The following EHBP1 variants were observed in gnomAD, a reference collection of about 807,000 sequenced individuals.
EHBP1 encodes EH domain-binding protein 1.
EHBP1 carries 55 observed loss-of-function variants against 144.0 expected under a neutral mutation model. The ratio of observed to expected loss-of-function variants is 0.38; its 90% CI spans 0.31 to 0.48. The LOEUF is 0.48. Among genes scored for constraint, EHBP1 ranks in the 20% least tolerant of loss-of-function variants. The pLI is 0.98. For missense variants in EHBP1, 1,200 were observed against 1,364.2 expected, an observed-to-expected ratio of 0.88 and a Z score of 1.90; for synonymous variants, 469 against 472.7, an observed-to-expected ratio of 0.99 and a Z score of 0.10.
intron 19 of EHBP1, among the ~76,000 whole-genome samples, chr2:63,015,106 G>C: frequency 6.6e-6 from 1 of 152,280 alleles, no homozygotes; most frequent in African/African-American, 2.4e-5. Context: ...AATTTTGCCA[G>C]TGTTTCTCAC....
At chr2:62,928,389 C>T (rs1397457435) in intron 10 of EHBP1, among the ~76,000 whole-genome samples, 1 of 152,106 alleles carries the variant, frequency 6.6e-6, no homozygotes, top group Non-Finnish European at 1.5e-5. Flanking sequence ...TAAGTACTCA[C>T]CCTCCAAGTC....
intron 7 of EHBP1, among the ~76,000 whole-genome samples, chr2:62,840,915 T>C (rs1347530086): frequency 6.6e-6 from 1 of 152,228 alleles, no homozygotes; most frequent in East Asian, 1.9e-4. Context: ...GTTCAACCAT[T>C]GTGGAAGTCA....
chr2:63,045,800 C>A lies in EHBP1; in HGVS notation c.*300C>A, dbSNP rs186905235. 1.8e-5 allele frequency: 4 copies of A among 217,626 alleles called. No individual in the cohort carries two copies. The South Asian group carries it at 3.8e-4, about 21-fold the overall frequency. The allele number at this position is 217,626 out of a possible 1,614,324, so 13.5% of individuals were successfully genotyped here. On this transcript the variant is annotated 3_prime_UTR_variant, in exon 23 of 23. Coordinates refer to ENST00000431489, the MANE Select transcript of EHBP1 (RefSeq NM_001142616.3). This position sits in a 1 kb window ranked among gnomAD's most constrained non-coding sequence, Gnocchi z 5.7. ...TATTGGAGGTGTTCAAGAAACTGTT[C>A]GAAAAAGAACAAAAACACTTCCCTC...
chr2:62,913,033 G>A (rs2054345541), intron 10 of EHBP1, among the ~76,000 whole-genome samples: 1 of 152,100 alleles, frequency 6.6e-6, no homozygotes, highest in Non-Finnish European at 1.5e-5. Context: ...GCTGGATGCT[G>A]TCCTACTTCA....
At chr2:62,715,163 G>A (rs1353410024) in intron 2 of EHBP1, among the ~76,000 whole-genome samples, 1 of 152,014 alleles carries the variant, frequency 6.6e-6, no homozygotes, top group Non-Finnish European at 1.5e-5. Context: ...CACCCAGGCT[G>A]GAGTGCAGTG....
intron 13 of EHBP1, among the ~76,000 whole-genome samples, chr2:62,950,219 G>A (rs1053833725): frequency 1.3e-5 from 2 of 151,762 alleles, no homozygotes; most frequent in African/African-American, 4.8e-5. Flanking sequence ...GGGGGCCTCT[G>A]AAGTTCTCCA....
intron 2 of EHBP1, among the ~76,000 whole-genome samples, chr2:62,742,644 A>G (rs890622761): frequency 2.0e-5 from 3 of 152,062 alleles, no homozygotes; most frequent in Non-Finnish European, 4.4e-5. Flanking sequence ...GGAGCTACCA[A>G]AAAAGGAGGG....
chr2:62,996,784 A>G lies in EHBP1; in HGVS notation c.3103+18A>G, dbSNP rs543818039. ...GGACACAGGTACGGTGCCCAATTAC[A>G]CTGTAAACAGTTTTGGCAAATTGAG... On this transcript the variant is annotated intron_variant, in intron 19 of 22. Coordinates refer to ENST00000431489, the MANE Select transcript of EHBP1 (RefSeq NM_001142616.3). 3 of 1,608,152 alleles carry G rather than the reference A, an allele frequency of 1.9e-6. No individual in the cohort carries two copies. The highest frequency in any genetic ancestry group is 1.1e-5 in the South Asian group (1 of 90,000).
intron 10 of EHBP1, among the ~76,000 whole-genome samples, chr2:62,905,543 G>A (rs553978658): frequency 4.6e-5 from 7 of 152,256 alleles, no homozygotes; most frequent in South Asian, 2.1e-4. Flanking sequence ...GATCACTCTC[G>A]GTTGGGCGCA....
At chr2:62,842,329 C>T (rs190569442) in intron 7 of EHBP1, among the ~76,000 whole-genome samples, 46 of 152,212 alleles carry the variant, frequency 3.0e-4, no homozygotes, top group Non-Finnish European at 5.6e-4. Flanking sequence ...TCAGGAGATC[C>T]GCCCGCTTTC....
At chr2:62,760,271 T>A (rs2040661676) in intron 3 of EHBP1, among the ~76,000 whole-genome samples, 1 of 152,190 alleles carries the variant, frequency 6.6e-6, no homozygotes, top group Non-Finnish European at 1.5e-5. Flanking sequence ...TTGTCAGCTA[T>A]TTAGCTAGAC....
intron 10 of EHBP1, among the ~76,000 whole-genome samples, chr2:62,937,404 G>C (rs1249931779): frequency 6.6e-6 from 1 of 152,112 alleles, no homozygotes; most frequent in Non-Finnish European, 1.5e-5. Flanking sequence ...CTGTGTAAAG[G>C]TCTTAACTTT....
intron 10 of EHBP1, among the ~76,000 whole-genome samples, chr2:62,922,513 G>T (rs186495149): frequency 6.6e-6 from 1 of 152,158 alleles, no homozygotes; most frequent in African/African-American, 2.4e-5. Flanking sequence ...AATAATCCAC[G>T]TAAATAGTAA....
chr2:62,760,607 C>T (rs2040691610), intron 3 of EHBP1, among the ~76,000 whole-genome samples: 1 of 152,204 alleles, frequency 6.6e-6, no homozygotes, highest in South Asian at 2.1e-4. Context: ...CATCTCCTAA[C>T]TCTGCCCAGT....
In EHBP1 at chr2:63,032,278, G is replaced by A. The variant is rs542624314; in HGVS notation, c.3104-5257G>A. On this transcript the variant is annotated intron_variant, in intron 19 of 22. Coordinates refer to ENST00000431489, the MANE Select transcript of EHBP1 (RefSeq NM_001142616.3). The stretch of plus-strand genomic sequence containing the variant: ...AAATGATTTAAAAAAAAAAAAAAAG[G>A]TCAGTTCAGGCTGGGCGCGGTGCCT... Among the ~76,000 whole-genome samples, 11 of 150,106 alleles carry A rather than the reference G, an allele frequency of 7.3e-5. No homozygotes were observed. In the South Asian group the frequency reaches 2.1e-3, roughly 29 times the overall value.
intron 8 of EHBP1, among the ~76,000 whole-genome samples, chr2:62,860,654 A>G (rs969748231): frequency 4.6e-5 from 7 of 152,178 alleles, no homozygotes; most frequent in African/African-American, 1.4e-4. Context: ...TGACCACACA[A>G]CTTCTTGATT....
In EHBP1 at chr2:62,749,947, C is replaced by G. The variant is rs11125943; in HGVS notation, c.162+2495C>G. On this transcript the variant is annotated intron_variant, in intron 3 of 22. Transcript: ENST00000431489. ...ATTCTGTAGGTTGTCTGTTCACTCT[C>G]ATGGTGGTTTCTTTTGCTGTGCAGA... Among the ~76,000 whole-genome samples the G allele has an allele frequency of 2.6e-5, 4 of 152,156 alleles. No individual in the cohort carries two copies. In the East Asian group the frequency reaches 7.7e-4, roughly 29 times the overall value.
chr2:62,750,016 T>G (rs527841614), intron 3 of EHBP1, among the ~76,000 whole-genome samples: 100 of 152,358 alleles, frequency 6.6e-4, no homozygotes, highest in Non-Finnish European at 9.6e-4. Context: ...TTTTGTCTTT[T>G]GTTGCCATTG....
intron 5 of EHBP1, 106 bp downstream of exon 5, chr2:62,771,498 A>G: frequency 1.3e-6 from 1 of 769,936 alleles, no homozygotes; most frequent in Non-Finnish European, 2.1e-6. Flanking sequence ...CCTTAAGAAA[A>G]TTAAATAGTG....
Sources: gnomAD v4.1 joint callset for allele counts (sites outside exome capture counted in the v4.1 genomes callset) on GRCh38, gnomAD v4.1.1 for gene constraint, Gnocchi (gnomAD v3.1) non-coding constraint, MANE v1.5 for transcripts, NCBI Gene and HGNC (gene_info 2026-07-23, HGNC 2026-07-21) for gene names.